ITPR2: variants seen among roughly 807,000 people sequenced by gnomAD.
ITPR2 encodes inositol 1,4,5-trisphosphate-gated calcium channel ITPR2.
ITPR2 carries 207 observed loss-of-function variants against 317.1 expected under a neutral mutation model. The ratio of observed to expected loss-of-function variants is 0.65; its 90% CI spans 0.58 to 0.73. The LOEUF (loss-of-function observed/expected upper bound fraction) is 0.73, where lower values mean the gene tolerates loss of function less well. Among genes scored for constraint, ITPR2 ranks in the 30% least tolerant of loss-of-function variants. The pLI is 0.00. For synonymous variants in ITPR2, 1,156 were observed against 1,149.1 expected (o/e 1.01, Z -0.12); for missense variants, 2,613 against 3,284.0 (o/e 0.80, Z 4.99).
intron 54 of ITPR2, among the ~76,000 whole-genome samples, chr12:26,393,243 A>C (rs1939900860): frequency 6.6e-6 from 1 of 152,170 alleles, no homozygotes; most frequent in African/African-American, 2.4e-5. Flanking sequence ...TTGGATCACA[A>C]CTTCACATCC....
chr12:26,429,813 T>C (rs1941157912), intron 48 of ITPR2, among the ~76,000 whole-genome samples: 1 of 152,228 alleles, frequency 6.6e-6, no homozygotes, highest in African/African-American at 2.4e-5. Context: ...ACTGACAATA[T>C]CTTCAAGGCA....
At chr12:26,725,466 A>G (rs577312696) in intron 3 of ITPR2, among the ~76,000 whole-genome samples, 184 bp downstream of exon 3, 5 of 152,328 alleles carry the variant, frequency 3.3e-5, no homozygotes, top group East Asian at 3.9e-4. Flanking sequence ...TGCTACCTAC[A>G]TGCCAGGAAA....
intron 49 of ITPR2, among the ~76,000 whole-genome samples, chr12:26,422,654 A>G (rs779814760): frequency 2.0e-5 from 3 of 152,210 alleles, no homozygotes; most frequent in Non-Finnish European, 4.4e-5. Context: ...TTGATCACAG[A>G]CATTTATAGC....
intron 13 of ITPR2, among the ~76,000 whole-genome samples, chr12:26,671,615 T>C (rs1297310341): frequency 6.6e-6 from 1 of 151,918 alleles, no homozygotes; most frequent in Non-Finnish European, 1.5e-5. Context: ...GTAAAGACCA[T>C]CGAGACTAGG....
At chr12:26,647,201 C>A (rs192723639) in intron 21 of ITPR2, among the ~76,000 whole-genome samples, 1 of 152,334 alleles carries the variant, frequency 6.6e-6, no homozygotes, top group African/African-American at 2.4e-5. Context: ...AGGATATTAA[C>A]AGGATAACTA....
intron 37 of ITPR2, among the ~76,000 whole-genome samples, chr12:26,521,081 G>A (rs945647360): frequency 7.2e-5 from 11 of 151,984 alleles, no homozygotes; most frequent in African/African-American, 2.7e-4. Flanking sequence ...TCCTTTCTAT[G>A]GTATAAATAC....
intron 1 of ITPR2, among the ~76,000 whole-genome samples, chr12:26,798,531 T>A (rs61920591): frequency 6.6e-6 from 1 of 152,152 alleles, no homozygotes; most frequent in Non-Finnish European, 1.5e-5. Context: ...TTCCATTCAT[T>A]CACCGTAGTC....
chr12:26,600,070 T>C lies in ITPR2; in HGVS notation c.3718A>G (p.Thr1240Ala). Residue 1240 changes from threonine to alanine, a missense_variant, in exon 29 of 57, where the codon ACA (threonine) becomes GCA (alanine). Thr to Ala is a moderately conservative substitution (Grantham distance 58, BLOSUM62 0). This residue lies in a region of ITPR2 where 817 missense variants were observed against 897.6 expected (regional missense o/e 0.91). Coordinates refer to ENST00000381340, the MANE Select transcript of ITPR2 (RefSeq NM_002223.4). ...KMNEVMNLAH[T>A]FLQNFCRGNP... ...CCTCGACAGAAATTCTGCAGAAATG[T>C]ATGGGCTAGATTCATTACTTCATTC... 6.2e-7 allele frequency: 1 copy of C among 1,605,438 alleles called. No individual in the cohort carries two copies. Among genetic ancestry groups the C allele is most frequent in the Non-Finnish European group, 8.5e-7 (1 of 1,172,492 alleles).
chr12:26,712,436 A>C (rs1278287205), intron 8 of ITPR2, among the ~76,000 whole-genome samples: 1 of 152,178 alleles, frequency 6.6e-6, no homozygotes, highest in Non-Finnish European at 1.5e-5. Flanking sequence ...AATACTTCAA[A>C]GTCCTTGAGG....
At chr12:26,771,123 G>C (rs369930545) in intron 2 of ITPR2, among the ~76,000 whole-genome samples, 2 of 152,086 alleles carry the variant, frequency 1.3e-5, no homozygotes, top group Non-Finnish European at 2.9e-5. Context: ...AATTTGCATA[G>C]ACCATTTTTC....
chr12:26,433,177 A>G (rs1302437090), intron 48 of ITPR2, among the ~76,000 whole-genome samples: 1 of 152,224 alleles, frequency 6.6e-6, no homozygotes, highest in Non-Finnish European at 1.5e-5. Context: ...GATGACCCAG[A>G]CATAACCTTG....
chr12:26,387,562 C>T lies in ITPR2; in HGVS notation c.7729G>A (p.Val2577Ile). ...GACTTAATGTGCTCCTCAAATGAAACCGTTTTATTATCAAACTTGTCTCTC... is the reference window on the plus strand; with the variant it reads ...GACTTAATGTGCTCCTCAAATGAAATCGTTTTATTATCAAACTTGTCTCTC... The part of the protein sequence containing the change: ...LERDKFDNKT[V>I]SFEEHIKSEH... Residue 2577 changes from valine (V) to isoleucine (I), a missense_variant, in exon 55 of 57, where the codon GTT (valine) becomes ATT (isoleucine). Physicochemically the swap from Val to Ile is conservative, Grantham distance 29. Coordinates refer to ENST00000381340, the MANE Select transcript of ITPR2 (RefSeq NM_002223.4). The T allele has an allele frequency of 6.2e-7, 1 of 1,613,624 alleles. No homozygotes were observed. The highest frequency in any genetic ancestry group is 1.1e-5 in the South Asian group (1 of 91,058).
intron 55 of ITPR2, among the ~76,000 whole-genome samples, chr12:26,370,108 G>A (rs1184835458): frequency 6.6e-6 from 1 of 152,114 alleles, no homozygotes; most frequent in Non-Finnish European, 1.5e-5. Context: ...AACTGTAATG[G>A]CAAGTACTGT....
chr12:26,496,496 C>CA, intron 37 of ITPR2, among the ~76,000 whole-genome samples: 1 of 152,290 alleles, frequency 6.6e-6, no homozygotes, highest in African/African-American at 2.4e-5. Flanking sequence ...GTCTGCCTGC[C>CA]AAATCTGTTT....
At chr12:26,793,651 T>C (rs1320487336) in intron 1 of ITPR2, among the ~76,000 whole-genome samples, 3 of 152,182 alleles carry the variant, frequency 2.0e-5, no homozygotes, top group Non-Finnish European at 4.4e-5. Context: ...TCTTTAAGCA[T>C]TATGCTTAAA....
At chr12:26,669,660 C>G (rs574804352) in intron 13 of ITPR2, among the ~76,000 whole-genome samples, 1 of 152,174 alleles carries the variant, frequency 6.6e-6, no homozygotes, top group Non-Finnish European at 1.5e-5. Flanking sequence ...TCTGAGGTAC[C>G]GGGTTCATCT....
intron 1 of ITPR2, among the ~76,000 whole-genome samples, chr12:26,816,116 G>A (rs1223382834): frequency 5.1e-5 from 7 of 136,202 alleles, no homozygotes; most frequent in Non-Finnish European, 8.2e-5. Context: ...AAAAAAAAAA[G>A]GTGTACTGCA....
intron 45 of ITPR2, among the ~76,000 whole-genome samples, chr12:26,460,814 T>C (rs1024347282): frequency 2.0e-5 from 3 of 152,158 alleles, no homozygotes; most frequent in African/African-American, 7.2e-5. Context: ...AAGTTGTGTA[T>C]CAGAAGGAAG....
chr12:26,411,294 A>C (rs923491049), intron 52 of ITPR2, 26 bp downstream of exon 52: 1 of 1,498,912 alleles, frequency 6.7e-7, no homozygotes, highest in Non-Finnish European at 9.3e-7. Flanking sequence ...TCAAGTTCAT[A>C]CTGACCCAGA....
Sources: gnomAD v4.1 joint callset for allele counts (sites outside exome capture counted in the v4.1 genomes callset) on GRCh38, gnomAD v4.1.1 for gene constraint, gnomAD v4.1.1 regional missense constraint, MANE v1.5 for transcripts, NCBI Gene and HGNC (gene_info 2026-07-23, HGNC 2026-07-21) for gene names.